Variants in SMAD3 observed in about 807,000 individuals in gnomAD.
The protein encoded by SMAD3 is MAD homolog 3.
In SMAD3, 12 loss-of-function variants were observed where a neutral mutation model predicts 51.8. The ratio of observed to expected loss-of-function variants is 0.23; its 90% CI spans 0.15 to 0.38. The LOEUF (loss-of-function observed/expected upper bound fraction) is 0.38, where lower values mean the gene tolerates loss of function less well. Ranked by LOEUF, SMAD3 falls within the 10% of genes least tolerant of loss-of-function variation. SMAD3 has a pLI of 1.00. For synonymous variants in SMAD3, 238 were observed against 227.7 expected (o/e 1.05, Z -0.41); for missense variants, 294 against 565.6 (o/e 0.52, Z 4.87).
At chr15:67,186,845 A>G (rs1422399789) in intron 7 of SMAD3, 3 of 348,252 alleles carry the variant, frequency 8.6e-6, no homozygotes, top group Non-Finnish European at 1.7e-5. Flanking sequence ...CCCTCTGCCA[A>G]GCTTCCTGTG....
chr15:67,174,542 T>C, intron 5 of SMAD3: 1 of 151,906 alleles, frequency 6.6e-6, no homozygotes, highest in Non-Finnish European at 1.5e-5. Context: ...GCATCAGGGT[T>C]TCAAGGGGGA....
intron 1 of SMAD3, among the ~76,000 whole-genome samples, chr15:67,079,002 G>A (rs897178839): frequency 1.3e-5 from 2 of 151,504 alleles, no homozygotes; most frequent in South Asian, 2.1e-4. Flanking sequence ...TTTTGAGACG[G>A]AGTTTCGCTC....
rs28774694 is a variant in SMAD3, at chr15:67,190,359, C to T, written c.1155-54C>T. 4,279 of 1,550,888 alleles carry T rather than the reference C, an allele frequency of 2.8e-3. 111 individuals carry two copies. In the African/African-American group the frequency reaches 0.052, roughly 19 times the overall value. On this transcript the variant is annotated intron_variant, in intron 8 of 8. Transcript: ENST00000327367. ...AGAAAAAGCTTTCTGACTTGTGTAACCCCCTGGAGATTTTTTAAGTCCCCC... is the reference window on the plus strand; with the variant it reads ...AGAAAAAGCTTTCTGACTTGTGTAATCCCCTGGAGATTTTTTAAGTCCCCC...
chr15:67,122,876 T>G, intron 1 of SMAD3, among the ~76,000 whole-genome samples: 1 of 152,136 alleles, frequency 6.6e-6, no homozygotes, highest in East Asian at 1.9e-4. Context: ...GGATAAAATA[T>G]CTCAGTGAAT....
chr15:67,164,873 C>T, intron 1 of SMAD3, 22 bp from the exon 2 acceptor site: 10 of 1,611,918 alleles, frequency 6.2e-6, no homozygotes, highest in Non-Finnish European at 7.6e-6. Flanking sequence ...CCCTCTCTTT[C>T]TGCCCCTCCC....
At chr15:67,101,680 C>T (rs1003331421) in intron 1 of SMAD3, among the ~76,000 whole-genome samples, 8 of 152,094 alleles carry the variant, frequency 5.3e-5, no homozygotes, top group Non-Finnish European at 8.8e-5. Flanking sequence ...AGGTGAGATC[C>T]GTAGGCAAGG....
At chr15:67,131,839 A>G (rs907928531) in intron 1 of SMAD3, among the ~76,000 whole-genome samples, 2 of 152,084 alleles carry the variant, frequency 1.3e-5, no homozygotes, top group African/African-American at 4.8e-5. Context: ...CTTCTGCAGA[A>G]ATCACCCTGT....
At chr15:67,115,574 C>T (rs1377453316) in intron 1 of SMAD3, among the ~76,000 whole-genome samples, 3 of 151,798 alleles carry the variant, frequency 2.0e-5, no homozygotes, top group African/African-American at 4.9e-5. Context: ...TGGGTCCTCT[C>T]GCAGTGCCCC....
intron 1 of SMAD3, among the ~76,000 whole-genome samples, chr15:67,083,869 A>G (rs1325307188): frequency 2.0e-5 from 3 of 152,162 alleles, no homozygotes; most frequent in African/African-American, 7.2e-5. Flanking sequence ...AATGAGACCC[A>G]AAGAAACTGT....
chr15:67,188,152 T>C (rs1360963051), intron 8 of SMAD3, among the ~76,000 whole-genome samples: 7 of 140,856 alleles, frequency 5.0e-5, no homozygotes, highest in African/African-American at 1.1e-4. Context: ...CTTTTTCTTT[T>C]TTTTTTTTTT....
intron 1 of SMAD3, among the ~76,000 whole-genome samples, chr15:67,152,978 C>A (rs1962186248): frequency 6.6e-6 from 1 of 152,182 alleles, no homozygotes; most frequent in Admixed American, 6.5e-5. Context: ...TGATTTAAAC[C>A]CAGTGTGCTT....
At chr15:67,157,484 G>C (rs968886870) in intron 1 of SMAD3, among the ~76,000 whole-genome samples, 7 of 152,234 alleles carry the variant, frequency 4.6e-5, no homozygotes, top group African/African-American at 1.2e-4. Context: ...AGTTCTCTGA[G>C]CTGGGCGAGG....
intron 1 of SMAD3, among the ~76,000 whole-genome samples, chr15:67,113,915 T>C (rs1475280293): frequency 6.6e-6 from 1 of 152,230 alleles, no homozygotes; most frequent in Non-Finnish European, 1.5e-5. Context: ...AAATCTTGAT[T>C]GAATTCTTTT....
chr15:67,131,667 C>A (rs943587274), intron 1 of SMAD3, among the ~76,000 whole-genome samples: 47 of 152,136 alleles, frequency 3.1e-4, no homozygotes, highest in African/African-American at 6.3e-4. Flanking sequence ...GCCTCTCTCT[C>A]GAGAGCCCTA....
chr15:67,113,984 A>G (rs898329660), intron 1 of SMAD3, among the ~76,000 whole-genome samples: 4 of 152,222 alleles, frequency 2.6e-5, no homozygotes, highest in African/African-American at 9.6e-5. Flanking sequence ...GGTTGAGGTT[A>G]GTTGGGACCA....
chr15:67,132,893 G>A (rs528697880), intron 1 of SMAD3, among the ~76,000 whole-genome samples: 1 of 152,176 alleles, frequency 6.6e-6, no homozygotes, highest in South Asian at 2.1e-4. Context: ...CAGACTCCCC[G>A]TAACTTCTGC....
intron 8 of SMAD3, 74 bp from the exon 9 acceptor site, chr15:67,190,339 A>G (rs1273591867): frequency 7.1e-7 from 1 of 1,401,192 alleles, no homozygotes; most frequent in African/African-American, 1.4e-5. Flanking sequence ...AAAGCAGAAA[A>G]AGCTTTCTGA....
intron 4 of SMAD3, among the ~76,000 whole-genome samples, chr15:67,168,650 C>T (rs1962657817): frequency 6.6e-6 from 1 of 152,242 alleles, no homozygotes; most frequent in African/African-American, 2.4e-5. Context: ...CTTGTTTCTT[C>T]TCCCTCCTCT....
At chr15:67,107,593 G>C (rs536669150) in intron 1 of SMAD3, among the ~76,000 whole-genome samples, 1 of 152,332 alleles carries the variant, frequency 6.6e-6, no homozygotes, top group African/African-American at 2.4e-5. Context: ...CCGCCTCTCT[G>C]AGCCTTGCCA....
Sources: allele counts gnomAD v4.1 joint callset (sites outside exome capture counted in the v4.1 genomes callset), GRCh38; gene constraint gnomAD v4.1.1; transcripts MANE v1.5; gene names NCBI Gene and HGNC (gene_info 2026-07-23, HGNC 2026-07-21).